IL34: variants seen among roughly 807,000 people sequenced by gnomAD.
IL34 encodes interleukin 34, also known as interleukin-34.
IL34 carries 17 observed loss-of-function variants against 25.3 expected under a neutral mutation model. The ratio of observed to expected loss-of-function variants is 0.67; its 90% CI spans 0.46 to 1.01. IL34 has a LOEUF of 1.01. Among genes scored for constraint, IL34 ranks in the 50% least tolerant of loss-of-function variants. IL34 has a pLI of 0.00. For synonymous variants in IL34, 174 were observed against 140.9 expected, an observed-to-expected ratio of 1.23 and a Z score of -1.66; for missense variants, 368 against 312.9, an observed-to-expected ratio of 1.18 and a Z score of -1.33.
chr16:70,599,323 T>TTCTTTCTC (rs2050878060), intron 1 of IL34, among the ~76,000 whole-genome samples: 1 of 149,274 alleles, frequency 6.7e-6, no homozygotes, highest in Non-Finnish European at 1.5e-5. Context: ...TTTCTTTTCT[T>TTCTTTCTC]TCTTTCTCTC....
At chr16:70,632,085 G>C (rs111534866) in intron 1 of IL34, among the ~76,000 whole-genome samples, 7,006 of 144,488 alleles carry the variant, frequency 0.048, 194 homozygotes, top group Middle Eastern at 0.075. Flanking sequence ...CTGGGTGATA[G>C]AGTGAGACCC....
intron 1 of IL34, among the ~76,000 whole-genome samples, chr16:70,618,363 T>C (rs976938472): frequency 1.2e-4 from 18 of 151,932 alleles, no homozygotes; most frequent in Non-Finnish European, 2.1e-4. Context: ...GGAGGCCGGA[T>C]TGAAGTCTGG....
At chr16:70,644,920 GGAGGAGGAAGGAGGAA>G (rs368304071), upstream of IL34, among the ~76,000 whole-genome samples, 62 of 59,610 alleles carry the variant, frequency 1.0e-3, 1 homozygote, top group Admixed American at 1.3e-3. Flanking sequence ...GGGAGGAGAA[GGAGGAGGAAGGAGGAA>G]GAGGAGGAAG....
rs1009814951 is a variant in IL34, at chr16:70,660,516, C to T, written c.*329C>T. On this transcript the variant is annotated 3_prime_UTR_variant, in exon 6 of 6. Coordinates refer to ENST00000288098, the MANE Select transcript of IL34 (RefSeq NM_001393494.1). ...CCTGTGGCCCGCAGCAGTGAGGGCA[C>T]AGCTGTGGGTTGCAGGGGAGACAGC... 1.9e-5 allele frequency: 5 copies of T among 257,882 alleles called. No individual in the cohort carries two copies. The highest frequency in any genetic ancestry group is 7.4e-5 in the East Asian group (1 of 13,524). The allele number at this position is 257,882 out of a possible 1,614,324, so 16.0% of individuals were successfully genotyped here. A position where few individuals can be genotyped will look rare whatever the true frequency, so the allele number is the denominator to read the frequency against.
At chr16:70,649,599 G>A (rs187050053) in intron 1 of IL34, among the ~76,000 whole-genome samples, 141 of 152,168 alleles carry the variant, frequency 9.3e-4, no homozygotes, top group South Asian at 3.5e-3. Context: ...ACTCGGGTTC[G>A]GGTGAATGTG....
intron 1 of IL34, among the ~76,000 whole-genome samples, chr16:70,640,224 C>A (rs1256178752): frequency 6.6e-6 from 1 of 152,186 alleles, no homozygotes; most frequent in Non-Finnish European, 1.5e-5. Context: ...TCACTGCAGC[C>A]TTGGCCTCCT....
At position 70,660,208 on chromosome 16, in the gene IL34, G is replaced by A. The variant is rs766132144; in HGVS notation, c.*21G>A. The A allele has an allele frequency of 8.4e-6, 13 of 1,541,394 alleles. No individual in the cohort carries two copies. Among genetic ancestry groups the A allele is most frequent in the African/African-American group, 5.5e-5 (4 of 72,606 alleles). On this transcript the variant is annotated 3_prime_UTR_variant, in exon 6 of 6. Coordinates refer to ENST00000288098, the MANE Select transcript of IL34 (RefSeq NM_001393494.1). ...CCTGAGCACCCTGGATGGTGACTGCGGATAGGGGCAGCCAGACCAGCTCCC... is the reference window on the plus strand; with the variant it reads ...CCTGAGCACCCTGGATGGTGACTGCAGATAGGGGCAGCCAGACCAGCTCCC...
At chr16:70,640,134 T>A (rs2051746701) in intron 1 of IL34, among the ~76,000 whole-genome samples, 1 of 152,084 alleles carries the variant, frequency 6.6e-6, no homozygotes, top group South Asian at 2.1e-4. Flanking sequence ...CTAGACTTTT[T>A]GTTTTGTTTT....
chr16:70,630,935 AAT>A (rs2051504540), intron 1 of IL34, among the ~76,000 whole-genome samples: 1 of 152,146 alleles, frequency 6.6e-6, no homozygotes, highest in Admixed American at 6.5e-5. Context: ...GGCTATTGTG[AAT>A]AGTGCTGCAA....
At chr16:70,587,345 C>T (rs974682929) in intron 1 of IL34, among the ~76,000 whole-genome samples, 2 of 152,126 alleles carry the variant, frequency 1.3e-5, no homozygotes, top group African/African-American at 4.8e-5. Flanking sequence ...TCTGAGCTCA[C>T]TGCAAGCTCC....
At chr16:70,637,752 C>A (rs2051688803) in intron 1 of IL34, among the ~76,000 whole-genome samples, 1 of 152,180 alleles carries the variant, frequency 6.6e-6, no homozygotes, top group Non-Finnish European at 1.5e-5. Context: ...AGACTTCTTT[C>A]CTCTGTCTTC....
chr16:70,645,148 G>C (rs2051895601), upstream of IL34, among the ~76,000 whole-genome samples: 1 of 150,894 alleles, frequency 6.6e-6, no homozygotes, highest in Admixed American at 6.6e-5. Context: ...CGAGGAAGGA[G>C]GAGGAGGAAG....
intron 1 of IL34, among the ~76,000 whole-genome samples, chr16:70,587,362 C>T (rs1474474976): frequency 2.6e-5 from 4 of 152,048 alleles, no homozygotes; most frequent in Non-Finnish European, 4.4e-5. Context: ...CTCCGCCTCC[C>T]GGGTTCACGC....
intron 1 of IL34, among the ~76,000 whole-genome samples, chr16:70,624,060 G>A (rs1174129911): frequency 2.0e-5 from 3 of 152,054 alleles, no homozygotes; most frequent in Non-Finnish European, 2.9e-5. Context: ...GTCTTCAGCC[G>A]CTAAGCCGAG....
chr16:70,650,162 G>A (rs1191081774), intron 1 of IL34, among the ~76,000 whole-genome samples: 2 of 152,208 alleles, frequency 1.3e-5, no homozygotes, highest in Non-Finnish European at 2.9e-5. Context: ...ACCAAGGTCA[G>A]GGGTGGCACT....
chr16:70,642,543 G>A (rs1052792300), upstream of IL34, among the ~76,000 whole-genome samples: 36 of 151,966 alleles, frequency 2.4e-4, no homozygotes, highest in Non-Finnish European at 8.8e-5. Context: ...TGATCCTCCC[G>A]CCTTGGGCTC....
At chr16:70,650,590 G>T (rs932478411) in intron 1 of IL34, among the ~76,000 whole-genome samples, 4 of 152,218 alleles carry the variant, frequency 2.6e-5, no homozygotes, top group African/African-American at 9.6e-5. Context: ...GTGGACAGAG[G>T]TACTGATTTT....
chr16:70,660,003 A>C lies in IL34; in HGVS notation c.545A>C (p.Gln182Pro), dbSNP rs1302354374. The change falls in exon 6 of 6, where the codon CAA becomes CCA. Residue 182 changes from glutamine to proline, a missense_variant. Transcript: ENST00000288098. The stretch of plus-strand genomic sequence containing the variant: ...TTTCCCCTATCTCTTGCAGGTAAAC[A>C]AAGCTCCGTCCTAAACTGGCAGGAC... ...MELLYCSCCK[Q>P]SSVLNWQDCE... is the part of the protein sequence containing the mutation. The C allele has an allele frequency of 6.3e-7, 1 of 1,583,202 alleles. No individual in the cohort carries two copies. Among genetic ancestry groups the C allele is most frequent in the African/African-American group, 1.4e-5 (1 of 72,840 alleles).
At chr16:70,622,595 T>G (rs969230539) in intron 1 of IL34, among the ~76,000 whole-genome samples, 44 of 151,626 alleles carry the variant, frequency 2.9e-4, no homozygotes, top group African/African-American at 9.9e-4. Flanking sequence ...GAAGGAAATT[T>G]GGGGAAATGG....
Sources: gnomAD v4.1 joint callset for allele counts (sites outside exome capture counted in the v4.1 genomes callset) on GRCh38, gnomAD v4.1.1 for gene constraint, MANE v1.5 for transcripts, NCBI Gene and HGNC (gene_info 2026-07-23, HGNC 2026-07-21) for gene names.